The following WDR64 variants were observed in gnomAD, a reference collection of about 807,000 sequenced individuals.
The protein encoded by WDR64 is WD repeat domain 64, also known as WD repeat-containing protein 64.
In WDR64, 112 loss-of-function variants were observed where a neutral mutation model predicts 139.3. That is an observed-to-expected ratio of 0.80 (90% CI 0.69 to 0.94). WDR64 has a LOEUF of 0.94. Among genes scored for constraint, WDR64 ranks in the 40% least tolerant of loss-of-function variants. WDR64 has a pLI of 0.00. For synonymous variants in WDR64, 444 were observed against 437.7 expected, an observed-to-expected ratio of 1.01 and a Z score of -0.18; for missense variants, 1,206 against 1,293.1, an observed-to-expected ratio of 0.93 and a Z score of 1.03.
intron 10 of WDR64, among the ~76,000 whole-genome samples, chr1:241,732,301 G>GTATCTATC (rs139933465): frequency 6.9e-6 from 1 of 144,746 alleles, no homozygotes; most frequent in Non-Finnish European, 1.5e-5. Context: ...TTACAATGCA[G>GTATCTATC]TATCTATCTA....
At chr1:241,735,786 C>T (rs570004021) in intron 10 of WDR64, among the ~76,000 whole-genome samples, 80 of 147,966 alleles carry the variant, frequency 5.4e-4, no homozygotes, top group African/African-American at 1.9e-3. Context: ...CCGCCTGCCT[C>T]GGTGAGCCAC....
At chr1:241,746,869 C>T (rs1669780191) in intron 13 of WDR64, among the ~76,000 whole-genome samples, 1 of 151,736 alleles carries the variant, frequency 6.6e-6, no homozygotes, top group African/African-American at 2.4e-5. Flanking sequence ...AAGTGATTCT[C>T]CTGCCTCAGC....
intron 13 of WDR64, among the ~76,000 whole-genome samples, chr1:241,748,020 G>A (rs1336569896): frequency 1.3e-5 from 2 of 152,190 alleles, no homozygotes; most frequent in South Asian, 2.1e-4. Flanking sequence ...CTCGTCACAT[G>A]TCACACAGTG....
rs1376947678 is a variant in WDR64, at chr1:241,703,098, T to C, written c.975-8704T>C. Among the ~76,000 whole-genome samples, 1 of 152,146 alleles carries C rather than the reference T, an allele frequency of 6.6e-6. No homozygotes were observed. The highest frequency in any genetic ancestry group is 2.4e-5 in the African/African-American group (1 of 41,438). Reference sequence around the variant, plus strand: ...ATTCTGAAATTTCTTTCCTCTTATATCATAAAGGAGAAAAGAGAAATGCCT... The same window carrying C: ...ATTCTGAAATTTCTTTCCTCTTATACCATAAAGGAGAAAAGAGAAATGCCT... On this transcript the variant is annotated intron_variant, in intron 8 of 27. Coordinates refer to ENST00000437684, the MANE Select transcript of WDR64 (RefSeq NM_001367482.1). The surrounding 1 kb of genome is among the most constrained non-coding windows in gnomAD (Gnocchi z 5.9).
At chr1:241,772,271 C>A (rs1658483849) in intron 19 of WDR64, among the ~76,000 whole-genome samples, 1 of 145,136 alleles carries the variant, frequency 6.9e-6, no homozygotes, top group Non-Finnish European at 1.5e-5. Context: ...TTTCAGTGAT[C>A]CAGGATTCAA....
intron 10 of WDR64, among the ~76,000 whole-genome samples, chr1:241,736,778 C>T (rs1669343640): frequency 6.6e-6 from 1 of 152,158 alleles, no homozygotes; most frequent in Non-Finnish European, 1.5e-5. Context: ...AACATAATCA[C>T]ATCAATTAAA....
At chr1:241,653,150 A>ATT (rs1665428145) in intron 1 of WDR64, among the ~76,000 whole-genome samples, 1 of 152,324 alleles carries the variant, frequency 6.6e-6, no homozygotes, top group East Asian at 1.9e-4. Flanking sequence ...TTACAGGAGG[A>ATT]TTTGCAGCAG....
At chr1:241,740,719 G>C (rs1053964900) in intron 11 of WDR64, among the ~76,000 whole-genome samples, 3 of 151,344 alleles carry the variant, frequency 2.0e-5, no homozygotes, top group Non-Finnish European at 4.4e-5. Flanking sequence ...CCAGGCTAGA[G>C]TGCAATGGCA....
intron 8 of WDR64, among the ~76,000 whole-genome samples, chr1:241,690,132 A>G (rs1049939832): frequency 6.6e-6 from 1 of 152,176 alleles, no homozygotes; most frequent in Admixed American, 6.5e-5. Context: ...GCCAAAAAAT[A>G]ACTATACCTA....
chr1:241,663,280 T>C (rs1665900897), intron 2 of WDR64, among the ~76,000 whole-genome samples: 1 of 152,264 alleles, frequency 6.6e-6, no homozygotes, highest in Non-Finnish European at 1.5e-5. Flanking sequence ...CACGGAAATG[T>C]GAAGACAAGG....
intron 8 of WDR64, among the ~76,000 whole-genome samples, chr1:241,692,431 C>G (rs187189736): frequency 5.3e-5 from 8 of 152,224 alleles, no homozygotes; most frequent in Admixed American, 2.6e-4. Context: ...TATTGTAAAA[C>G]AATGGAAAAA....
intron 10 of WDR64, among the ~76,000 whole-genome samples, chr1:241,725,868 T>C (rs935361707): frequency 6.6e-6 from 1 of 151,942 alleles, no homozygotes; most frequent in African/African-American, 2.4e-5. Flanking sequence ...TGCTCTGTCG[T>C]CCGGGCTAGA....
intron 27 of WDR64, among the ~76,000 whole-genome samples, chr1:241,799,202 C>CAAAAAAA (rs4046210): frequency 0.18 from 5,924 of 32,786 alleles, 1,086 homozygotes; most frequent in East Asian, 0.34. Flanking sequence ...TTTGTCTCTC[C>CAAAAAAA]AAAAAAAAAA....
At chr1:241,797,328 A>G (rs1394143894) in intron 27 of WDR64, among the ~76,000 whole-genome samples, 1 of 152,224 alleles carries the variant, frequency 6.6e-6, no homozygotes, top group Non-Finnish European at 1.5e-5. Context: ...CACAGCTATC[A>G]CTATATAACC....
chr1:241,778,346 T>C (rs1158666649), intron 21 of WDR64, among the ~76,000 whole-genome samples: 1 of 152,198 alleles, frequency 6.6e-6, no homozygotes, highest in African/African-American at 2.4e-5. Flanking sequence ...AGTGTTAGCG[T>C]GGTATATCTT....
At chr1:241,790,825 T>A (rs1659194749) in intron 25 of WDR64, 129 bp downstream of exon 25, 2 of 745,686 alleles carry the variant, frequency 2.7e-6, no homozygotes, top group Non-Finnish European at 4.3e-6. Context: ...CAAATTACTA[T>A]AAACTTGGTG....
chr1:241,674,765 T>C lies in WDR64; in HGVS notation c.483+18T>C, dbSNP rs1327728662. On this transcript the variant is annotated intron_variant, in intron 4 of 27. Transcript: ENST00000437684. The stretch of plus-strand genomic sequence containing the variant: ...ATAACCAGGTAATTTCTTTTTCTTT[T>C]TTTAACTGAATGACTCATTTTACAA... The C allele has an allele frequency of 7.0e-7, 1 of 1,431,724 alleles. No individual in the cohort carries two copies. 88.7% of individuals were successfully genotyped at this position (1,431,724 alleles called of 1,614,324 possible). A position where few individuals can be genotyped will look rare whatever the true frequency, so the allele number is the denominator to read the frequency against.
intron 8 of WDR64, among the ~76,000 whole-genome samples, chr1:241,711,521 G>A (rs1410888004): frequency 6.6e-6 from 1 of 152,050 alleles, no homozygotes; most frequent in African/African-American, 2.4e-5. Context: ...ATAACAGGTC[G>A]GCCCATCCTC....
chr1:241,711,904 A>G lies in WDR64; in HGVS notation c.1054+23A>G, dbSNP rs1327787918. 7 of 1,611,472 alleles carry G rather than the reference A, an allele frequency of 4.3e-6. No individual in the cohort carries two copies. The Admixed American group carries it at 1.0e-4, about 23-fold the overall frequency. Reference sequence around the variant, plus strand: ...GAGGTGAGAGGGCGGTTCACATTACATAGGGGTTTTCTACTTTGCAAACAT... The same window carrying G: ...GAGGTGAGAGGGCGGTTCACATTACGTAGGGGTTTTCTACTTTGCAAACAT... On this transcript the variant is annotated intron_variant, in intron 9 of 27. Transcript: ENST00000437684.
Sources: gnomAD v4.1 joint callset for allele counts (sites outside exome capture counted in the v4.1 genomes callset) on GRCh38, gnomAD v4.1.1 for gene constraint, Gnocchi (gnomAD v3.1) non-coding constraint, MANE v1.5 for transcripts, NCBI Gene and HGNC (gene_info 2026-07-23, HGNC 2026-07-21) for gene names.